The following RIMS2 variants were observed in gnomAD, a reference collection of about 807,000 sequenced individuals.
The protein encoded by RIMS2 is regulating synaptic membrane exocytosis protein 2.
A neutral mutation model predicts 174.4 loss-of-function variants in RIMS2; 59 were observed. That is an observed-to-expected ratio of 0.34 (90% CI 0.27 to 0.42). The LOEUF is 0.42. RIMS2 is among the 10% of genes least tolerant of loss of function. The probability of loss-of-function intolerance (pLI) is 1.00; values close to 1 mark genes in which losing one functional copy is unlikely to be tolerated. For synonymous variants in RIMS2, 606 were observed against 572.5 expected (o/e 1.06, Z -0.84); for missense variants, 1,620 against 1,666.3 (o/e 0.97, Z 0.48).
intron 3 of RIMS2, among the ~76,000 whole-genome samples, chr8:103,869,581 C>G (rs1351896397): frequency 6.6e-6 from 1 of 152,082 alleles, no homozygotes; most frequent in Non-Finnish European, 1.5e-5. Flanking sequence ...CCTCAGCCTC[C>G]CAAAGTGCTG....
At chr8:103,695,685 TA>T (rs1270227183) in intron 1 of RIMS2, among the ~76,000 whole-genome samples, 3 of 151,424 alleles carry the variant, frequency 2.0e-5, no homozygotes, top group Non-Finnish European at 4.4e-5. Flanking sequence ...TTATATTTTT[TA>T]AAGCCTAATT....
At chr8:103,651,120 G>A (rs1051429285) in intron 1 of RIMS2, among the ~76,000 whole-genome samples, 5 of 152,200 alleles carry the variant, frequency 3.3e-5, no homozygotes, top group Admixed American at 6.5e-5. Context: ...GTGGGTTCAC[G>A]AGGATATCTC....
chr8:103,941,622 TA>T lies in RIMS2; in HGVS notation c.2548-1143del, dbSNP rs796769278. The stretch of plus-strand genomic sequence containing the variant: ...AAACACTGTCACTTGCACAACCTCC[TA>T]AAAAAAATAGACATTCATTTCTACA... On this transcript the variant is annotated intron_variant, in intron 13 of 23. Coordinates refer to ENST00000504942, the Ensembl canonical transcript of RIMS2. Among the ~76,000 whole-genome samples, 482 of 151,992 alleles carry T rather than the reference TA, an allele frequency of 3.2e-3. 2 individuals carry two copies. Among genetic ancestry groups the T allele is most frequent in the African/African-American group, 0.011 (440 of 41,506 alleles).
chr8:103,675,578 A>G (rs187549223), intron 1 of RIMS2, among the ~76,000 whole-genome samples: 1 of 152,288 alleles, frequency 6.6e-6, no homozygotes, highest in Admixed American at 6.5e-5. Flanking sequence ...AACAAGTATT[A>G]AAAATATTAA....
chr8:103,855,171 G>A (rs940253281), intron 3 of RIMS2, among the ~76,000 whole-genome samples: 1 of 151,892 alleles, frequency 6.6e-6, no homozygotes, highest in Non-Finnish European at 1.5e-5. Context: ...ATTCTCCAAA[G>A]ATCTTTTGTA....
intron 6 of RIMS2, among the ~76,000 whole-genome samples, chr8:103,914,831 GGTATACAA>G (rs1168904895): frequency 2.6e-5 from 4 of 152,028 alleles, no homozygotes; most frequent in Admixed American, 6.6e-5. Context: ...AATTTTGTAA[GGTATACAA>G]GTATACATAT....
chr8:103,834,675 T>TTTTTCTTTC (rs1564827787), intron 3 of RIMS2, among the ~76,000 whole-genome samples: 1 of 147,384 alleles, frequency 6.8e-6, no homozygotes, highest in African/African-American at 2.5e-5. Flanking sequence ...CTCTGAGGTC[T>TTTTTCTTTC]TTTTCTTTCT....
chr8:103,757,888 C>T (rs2098046812), intron 2 of RIMS2, among the ~76,000 whole-genome samples: 1 of 152,152 alleles, frequency 6.6e-6, no homozygotes, highest in African/African-American at 2.4e-5. Flanking sequence ...AAGCTGATTG[C>T]CAGAGGAGAC....
chr8:103,788,872 C>G (rs977945513), intron 3 of RIMS2, among the ~76,000 whole-genome samples: 6 of 152,090 alleles, frequency 3.9e-5, no homozygotes, highest in Non-Finnish European at 5.9e-5. Context: ...CCCCCAGCCT[C>G]GCCGCCGCCT....
chr8:103,781,280 T>C lies in RIMS2; in HGVS notation c.698+14743T>C, dbSNP rs142545015. Among the ~76,000 whole-genome samples the C allele has an allele frequency of 2.0e-3, 301 of 151,956 alleles. 2 individuals are homozygous for C. Among genetic ancestry groups the C allele is most frequent in the African/African-American group, 6.7e-3 (279 of 41,442 alleles). On this transcript the variant is annotated intron_variant, in intron 3 of 23. Transcript: ENST00000504942. ...CAAATACCTTACAGCTTGCCTGGAGTTTTTTCACTTCTTTGTGGCCCTGAG... is the reference window on the plus strand; with the variant it reads ...CAAATACCTTACAGCTTGCCTGGAGCTTTTTCACTTCTTTGTGGCCCTGAG...
chr8:103,711,867 G>A (rs551112072), intron 2 of RIMS2, among the ~76,000 whole-genome samples: 1 of 151,658 alleles, frequency 6.6e-6, no homozygotes, highest in South Asian at 2.1e-4. Flanking sequence ...CTGCACTCCA[G>A]CCTAAGCAAC....
rs566996586 is a variant in RIMS2, at chr8:104,007,981, A to G, written c.3045-5461A>G. Among the ~76,000 whole-genome samples, 189 of 152,312 alleles carry G rather than the reference A, an allele frequency of 1.2e-3. 2 individuals carry two copies. In the South Asian group the frequency reaches 0.019, roughly 15 times the overall value. On this transcript the variant is annotated intron_variant, in intron 17 of 23. Transcript: ENST00000504942. The stretch of plus-strand genomic sequence containing the variant: ...TCTATCCACGTAAAAACAGCAAAAC[A>G]AAAGGAATGCTGGTGAATTGTTCAA...
At chr8:103,877,442 G>A (rs1258299900) in intron 3 of RIMS2, among the ~76,000 whole-genome samples, 2 of 151,846 alleles carry the variant, frequency 1.3e-5, no homozygotes, top group Non-Finnish European at 2.9e-5. Context: ...GTAGATTCTG[G>A]TTATTAGTCA....
intron 2 of RIMS2, among the ~76,000 whole-genome samples, chr8:103,735,482 T>C (rs1346802742): frequency 6.6e-6 from 1 of 152,128 alleles, no homozygotes; most frequent in Non-Finnish European, 1.5e-5. Context: ...ATCTTGTTCT[T>C]TTATTTGAAG....
intron 2 of RIMS2, among the ~76,000 whole-genome samples, chr8:103,722,678 C>G (rs1384111390): frequency 6.6e-6 from 1 of 152,164 alleles, no homozygotes; most frequent in Non-Finnish European, 1.5e-5. Flanking sequence ...AAGCCCAGTT[C>G]CTAACAGGTC....
intron 17 of RIMS2, among the ~76,000 whole-genome samples, chr8:104,007,283 C>A (rs921481718): frequency 1.3e-5 from 2 of 152,116 alleles, no homozygotes; most frequent in African/African-American, 4.8e-5. Context: ...CAAGTCAGAG[C>A]CTTTTCCTAA....
In RIMS2 at chr8:103,600,960, T is replaced by A. The variant is rs1207982070; in HGVS notation, c.177-96126T>A. On this transcript the variant is annotated intron_variant, in intron 1 of 23. Transcript: ENST00000504942. ...TCTGATGAATTAATCAATGAATCAG[T>A]GATGTTGAGCACCTTTTTATAAGCC... Among the ~76,000 whole-genome samples the A allele has an allele frequency of 5.9e-5, 9 of 152,336 alleles. No homozygotes were observed. The East Asian group carries it at 1.5e-3, about 26-fold the overall frequency.
rs909230526 is a variant in RIMS2 at position 104,012,275 on chromosome 8, G to A, written c.3045-1167G>A. On this transcript the variant is annotated intron_variant, in intron 17 of 23. Coordinates refer to ENST00000504942, the Ensembl canonical transcript of RIMS2. ...ATAAAGCCAATATTCACTTTCTAAA[G>A]TCACCTAATCTAATATCAAGTAGTA... is the stretch of plus-strand genomic sequence containing the variant. Among the ~76,000 whole-genome samples the A allele has an allele frequency of 2.8e-4, 43 of 151,378 alleles. 1 individual carries two copies. Among genetic ancestry groups the A allele is most frequent in the Non-Finnish European group, 1.5e-5 (1 of 67,786 alleles).
intron 14 of RIMS2, among the ~76,000 whole-genome samples, chr8:103,944,269 AATTAC>A (rs1434190402): frequency 1.3e-5 from 2 of 152,102 alleles, no homozygotes; most frequent in African/African-American, 4.8e-5. Context: ...TTGTTGTAAT[AATTAC>A]ATTACAATGA....
Sources: gnomAD v4.1 joint callset for allele counts (sites outside exome capture counted in the v4.1 genomes callset) on GRCh38, gnomAD v4.1.1 for gene constraint, MANE v1.5 for transcripts, NCBI Gene and HGNC (gene_info 2026-07-23, HGNC 2026-07-21) for gene names.